Variants in ADAMTS6 observed in about 807,000 individuals in gnomAD.
ADAMTS6 encodes ADAM metallopeptidase with thrombospondin type 1 motif 6, also known as A disintegrin and metalloproteinase with thrombospondin motifs 6.
Under a neutral mutation model 144.3 loss-of-function variants are expected in ADAMTS6, and 23 were observed. The observed-to-expected ratio is 0.16, with a 90% CI of 0.11 to 0.23. The LOEUF is 0.23. ADAMTS6 is among the 10% of genes least tolerant of loss of function. The pLI is 1.00. For missense variants in ADAMTS6, 999 were observed against 1,379.6 expected (o/e 0.72, Z 4.37); for synonymous variants, 444 against 457.5 (o/e 0.97, Z 0.38).
chr5:65,249,029 G>A (rs1214866362), intron 14 of ADAMTS6, among the ~76,000 whole-genome samples: 3 of 151,898 alleles, frequency 2.0e-5, no homozygotes, highest in South Asian at 2.1e-4. Flanking sequence ...GTGTGTGTGC[G>A]CGCATGTCTG....
At chr5:65,340,697 A>G (rs1420014004) in intron 7 of ADAMTS6, among the ~76,000 whole-genome samples, 2 of 152,066 alleles carry the variant, frequency 1.3e-5, no homozygotes, top group Non-Finnish European at 2.9e-5. Flanking sequence ...AAAAGGACCC[A>G]ATATAAATTG....
intron 7 of ADAMTS6, among the ~76,000 whole-genome samples, chr5:65,377,792 A>G (rs1346340432): frequency 6.6e-6 from 1 of 152,206 alleles, no homozygotes; most frequent in African/African-American, 2.4e-5. Context: ...CTAGCTTAAA[A>G]TAACACAAAT....
chr5:65,237,419 G>GAAAAAAAAATAAAAT (rs1758758163), intron 15 of ADAMTS6, among the ~76,000 whole-genome samples: 2 of 139,076 alleles, frequency 1.4e-5, no homozygotes, highest in Admixed American at 7.3e-5. Context: ...AACTCCACAA[G>GAAAAAAAAATAAAAT]AAAATAAAAT....
At chr5:65,267,692 G>A (rs1761728459) in intron 12 of ADAMTS6, among the ~76,000 whole-genome samples, 1 of 151,994 alleles carries the variant, frequency 6.6e-6, no homozygotes, top group Non-Finnish European at 1.5e-5. Context: ...TTCAAGATGA[G>A]TATATGCAGT....
intron 15 of ADAMTS6, among the ~76,000 whole-genome samples, chr5:65,231,292 AG>A (rs1758224577): frequency 6.6e-6 from 1 of 152,072 alleles, no homozygotes; most frequent in African/African-American, 2.4e-5. Flanking sequence ...AGACAAAGAA[AG>A]TCATTATATA....
rs564737468 is a variant in ADAMTS6 at position 65,332,100 on chromosome 5, ACTCAAAATACTTTATTT to A, written c.1117+1925_1117+1941del. ...AATGACAATCAAAGTACTAGGCAGT[ACTCAAAATACTTTATTT>A]CTCAAAATACTTTATTTATCAAAAT... On this transcript the variant is annotated intron_variant, in intron 8 of 24. Coordinates refer to ENST00000381055, the MANE Select transcript of ADAMTS6 (RefSeq NM_197941.4). Among the ~76,000 whole-genome samples, 333 of 151,820 alleles carry A rather than the reference ACTCAAAATACTTTATTT, an allele frequency of 2.2e-3. 4 individuals are homozygous for A. Among genetic ancestry groups the A allele is most frequent in the African/African-American group, 7.7e-3 (320 of 41,482 alleles).
intron 7 of ADAMTS6, among the ~76,000 whole-genome samples, chr5:65,362,080 T>C (rs1749878880): frequency 6.6e-6 from 1 of 152,180 alleles, no homozygotes; most frequent in Admixed American, 6.5e-5. Flanking sequence ...CTGCTTGGTA[T>C]TAAGTAGTGG....
chr5:65,369,682 T>C (rs1445466342), intron 7 of ADAMTS6, among the ~76,000 whole-genome samples: 1 of 152,168 alleles, frequency 6.6e-6, no homozygotes, highest in Non-Finnish European at 1.5e-5. Context: ...TATTAAAATA[T>C]TTTGACATCT....
At chr5:65,177,615 CT>C (rs1272048203) in intron 22 of ADAMTS6, among the ~76,000 whole-genome samples, 2 of 152,342 alleles carry the variant, frequency 1.3e-5, no homozygotes, top group African/African-American at 4.8e-5. Flanking sequence ...CAAGGATGGA[CT>C]GCCCCAACCA....
intron 15 of ADAMTS6, 95 bp downstream of exon 15, chr5:65,242,009 G>T: frequency 1.3e-6 from 1 of 752,048 alleles, no homozygotes; most frequent in Non-Finnish European, 2.0e-6. Flanking sequence ...TAACTAGTAT[G>T]TACATGAATG....
intron 14 of ADAMTS6, among the ~76,000 whole-genome samples, chr5:65,251,951 T>C (rs1378247709): frequency 6.6e-6 from 1 of 152,246 alleles, no homozygotes; most frequent in Non-Finnish European, 1.5e-5. Context: ...CTACCATTTC[T>C]ATACCTCTTA....
chr5:65,445,255 C>T (rs1758177293), intron 7 of ADAMTS6, among the ~76,000 whole-genome samples: 1 of 152,134 alleles, frequency 6.6e-6, no homozygotes, highest in African/African-American at 2.4e-5. Context: ...CTGAGATAAC[C>T]ATAATCCTGT....
At chr5:65,247,090 C>G (rs1434210416) in intron 14 of ADAMTS6, among the ~76,000 whole-genome samples, 1 of 152,126 alleles carries the variant, frequency 6.6e-6, no homozygotes, top group African/African-American at 2.4e-5. Flanking sequence ...AGATTTTCAG[C>G]CTTCTAGTGC....
intron 8 of ADAMTS6, among the ~76,000 whole-genome samples, chr5:65,330,688 A>G (rs1181135510): frequency 6.6e-6 from 1 of 152,114 alleles, no homozygotes; most frequent in East Asian, 1.9e-4. Context: ...CAACAGCTAC[A>G]TTGGAACAGA....
chr5:65,198,585 C>G (rs747463103), intron 20 of ADAMTS6: 1 of 167,056 alleles, frequency 6.0e-6, no homozygotes, highest in South Asian at 2.1e-4. Context: ...TTAAATCCAC[C>G]AAGCTCATGA....
chr5:65,268,782 A>C (rs1017408098), intron 12 of ADAMTS6, among the ~76,000 whole-genome samples: 1 of 152,198 alleles, frequency 6.6e-6, no homozygotes, highest in African/African-American at 2.4e-5. Flanking sequence ...CCATACTTAC[A>C]TGGAACATTT....
At chr5:65,178,565 G>T (rs1279531521) in intron 22 of ADAMTS6, among the ~76,000 whole-genome samples, 1 of 152,182 alleles carries the variant, frequency 6.6e-6, no homozygotes, top group African/African-American at 2.4e-5. Context: ...ATGGCAGCTG[G>T]AGTTTTAACC....
intron 14 of ADAMTS6, among the ~76,000 whole-genome samples, chr5:65,245,926 T>A (rs1353893686): frequency 6.6e-6 from 1 of 152,186 alleles, no homozygotes; most frequent in Non-Finnish European, 1.5e-5. Context: ...GGTGTTAACA[T>A]AATATAGATA....
chr5:65,345,118 A>G (rs1748195539), intron 7 of ADAMTS6, among the ~76,000 whole-genome samples: 1 of 151,812 alleles, frequency 6.6e-6, no homozygotes, highest in African/African-American at 2.4e-5. Flanking sequence ...CCTGGAGCAT[A>G]GTAAGTGTTT....
Sources: gnomAD v4.1 joint callset for allele counts (sites outside exome capture counted in the v4.1 genomes callset) on GRCh38, gnomAD v4.1.1 for gene constraint, MANE v1.5 for transcripts, NCBI Gene and HGNC (gene_info 2026-07-23, HGNC 2026-07-21) for gene names.